Variants in PRDX6 observed in about 807,000 individuals in gnomAD.
The protein encoded by PRDX6 is peroxiredoxin 6, also known as peroxiredoxin-6.
A neutral mutation model predicts 20.0 loss-of-function variants in PRDX6; 13 were observed. The ratio of observed to expected loss-of-function variants is 0.65; its 90% CI spans 0.42 to 1.03. The LOEUF is 1.03. PRDX6 is among the 50% of genes least tolerant of loss of function. The pLI, the probability that PRDX6 is intolerant of heterozygous loss-of-function variation, is 0.00. For synonymous variants in PRDX6, 85 were observed against 100.8 expected (o/e 0.84, Z 0.94); for missense variants, 203 against 276.9 (o/e 0.73, Z 1.89).
At chr1:173,481,598 T>C in intron 2 of PRDX6, 116 bp downstream of exon 2, 1 of 1,134,412 alleles carries the variant, frequency 8.8e-7, no homozygotes, top group Non-Finnish European at 1.3e-6. Flanking sequence ...AGTTCACTAA[T>C]TATTTGAAAA....
chr1:173,486,680 A>C (rs1489387375), intron 4 of PRDX6, among the ~76,000 whole-genome samples: 3 of 152,246 alleles, frequency 2.0e-5, no homozygotes, highest in Non-Finnish European at 4.4e-5. Flanking sequence ...GTTTAAAAAA[A>C]AAAATTTTAT....
Position 173,487,849 on chromosome 1 carries a change from A to C in PRDX6, c.661A>C (p.Thr221Pro), listed in dbSNP as rs1658925745. Reference protein sequence around the residue: ...LPSGKKYLRYTPQP With the variant: ...LPSGKKYLRYPPQP Reference sequence around the variant, plus strand: ...ATCTGGCAAGAAATACCTCCGCTACACACCCCAGCCTTAAGTCTCTTGGAG... The same window carrying C: ...ATCTGGCAAGAAATACCTCCGCTACCCACCCCAGCCTTAAGTCTCTTGGAG... Residue 221 changes from threonine to proline, a missense_variant, in exon 5 of 5, where the codon ACA (threonine) becomes CCA (proline). Coordinates refer to ENST00000340385, the MANE Select transcript of PRDX6 (RefSeq NM_004905.3). 1 of 1,612,718 alleles carries C rather than the reference A, an allele frequency of 6.2e-7. No homozygotes were observed. The highest frequency in any genetic ancestry group is 8.5e-7 in the Non-Finnish European group (1 of 1,180,012).
intron 2 of PRDX6, among the ~76,000 whole-genome samples, chr1:173,482,657 C>T (rs892374783): frequency 2.0e-5 from 3 of 152,146 alleles, no homozygotes; most frequent in Admixed American, 6.5e-5. Context: ...CTATGTCAAA[C>T]GTGCAGTTGA....
At position 173,485,503 on chromosome 1, in the gene PRDX6, G is replaced by A. The variant is rs1019938578; in HGVS notation, c.395G>A (p.Arg132His). 3.1e-6 allele frequency: 5 copies of A among 1,590,280 alleles called. No homozygotes were observed. The South Asian group carries it at 3.4e-5, about 11-fold the overall frequency. The stretch of plus-strand genomic sequence containing the variant: ...GAAAAGGGCATGCCTGTGACAGCTC[G>A]TGTGGTAGGTCATACAAATTCATTT... ...KDEKGMPVTA[R>H]VVFVFGPDKK... The change falls in exon 3 of 5, where the codon CGT (arginine) becomes CAT (histidine). Residue 132 changes from arginine (R) to histidine (H), a missense_variant. Physicochemically the swap from Arg to His is conservative, Grantham distance 29. Coordinates refer to ENST00000340385, the MANE Select transcript of PRDX6 (RefSeq NM_004905.3).
intron 2 of PRDX6, among the ~76,000 whole-genome samples, chr1:173,484,681 G>A (rs1658866234): frequency 6.6e-6 from 1 of 152,106 alleles, no homozygotes; most frequent in African/African-American, 2.4e-5. Context: ...GGGAAGGAGG[G>A]AAGTGTATCA....
intron 1 of PRDX6, among the ~76,000 whole-genome samples, chr1:173,479,322 C>A (rs1012699390): frequency 6.6e-6 from 1 of 152,108 alleles, no homozygotes; most frequent in Non-Finnish European, 1.5e-5. Flanking sequence ...CCTACCTTAC[C>A]GGGAAGAGAA....
At chr1:173,479,308 A>G (rs1658763775) in intron 1 of PRDX6, among the ~76,000 whole-genome samples, 1 of 152,194 alleles carries the variant, frequency 6.6e-6, no homozygotes, top group Non-Finnish European at 1.5e-5. Flanking sequence ...CAGGTATAGT[A>G]TTCCCTACCT....
rs1433627313 is a variant in PRDX6 at position 173,486,393 on chromosome 1, G to C, written c.538G>C (p.Asp180His). ...TAEKRVATPV[D>H]WKDGDSVMVL... The stretch of plus-strand genomic sequence containing the variant: ...AGAAAAAAGGGTTGCCACCCCAGTT[G>C]ATTGGAAGGTAAAGATGTTTTTAAA... The change falls in exon 4 of 5, where the codon GAT (aspartate) becomes CAT (histidine). Residue 180 changes from aspartate to histidine, a missense_variant. By Grantham distance (81) the Asp-to-His change is moderately conservative (BLOSUM62 -1). Coordinates refer to ENST00000340385, the MANE Select transcript of PRDX6 (RefSeq NM_004905.3). 6.2e-7 allele frequency: 1 copy of C among 1,605,642 alleles called. No homozygotes were observed. Among genetic ancestry groups the C allele is most frequent in the Non-Finnish European group, 8.5e-7 (1 of 1,176,576 alleles).
Position 173,488,460 on chromosome 1 carries a change from A to G in PRDX6, c.*597A>G, listed in dbSNP as rs7314. The G allele has an allele frequency of 0.36, 54,996 of 152,144 alleles. 12,458 individuals are homozygous for G. Among genetic ancestry groups the G allele is most frequent in the African/African-American group, 0.63 (26,152 of 41,484 alleles). 9.4% of individuals were successfully genotyped at this position (152,144 alleles called of 1,614,324 possible). On this transcript the variant is annotated 3_prime_UTR_variant, in exon 5 of 5. Transcript: ENST00000340385. ...GGGGGAAAAAAAGCTTTTTAATTCT[A>G]TACCTTCCTAGTAGATAAGTGAAGA...
At chr1:173,487,230 C>T (rs1658916278) in intron 4 of PRDX6, among the ~76,000 whole-genome samples, 1 of 152,142 alleles carries the variant, frequency 6.6e-6, no homozygotes, top group South Asian at 2.1e-4. Flanking sequence ...GAATGCCTGT[C>T]TATGAAGGGA....
At chr1:173,485,561 C>T (rs1658882181) in intron 3 of PRDX6, 54 bp downstream of exon 3, 7 of 1,433,450 alleles carry the variant, frequency 4.9e-6, no homozygotes, top group Non-Finnish European at 5.6e-6. Context: ...GCTGTATGTC[C>T]GTGTAAATGC....
chr1:173,479,941 C>T (rs547484236), intron 1 of PRDX6, among the ~76,000 whole-genome samples: 156 of 152,300 alleles, frequency 1.0e-3, no homozygotes, highest in Non-Finnish European at 1.5e-3. Flanking sequence ...CTCCTTTTAA[C>T]GATAGAGGAG....
intron 2 of PRDX6, chr1:173,481,719 T>A (rs1658804405): frequency 2.2e-6 from 1 of 461,194 alleles, no homozygotes; most frequent in African/African-American, 2.0e-5. Flanking sequence ...CTGTACCTCC[T>A]GAAACTTTTT....
At chr1:173,482,822 C>T (rs1427761905) in intron 2 of PRDX6, among the ~76,000 whole-genome samples, 1 of 152,076 alleles carries the variant, frequency 6.6e-6, no homozygotes, top group East Asian at 1.9e-4. Context: ...TTTTTCATTC[C>T]TTACACTTCT....
chr1:173,485,931 C>T (rs1242722736), intron 3 of PRDX6, among the ~76,000 whole-genome samples: 1 of 152,208 alleles, frequency 6.6e-6, no homozygotes, highest in African/African-American at 2.4e-5. Flanking sequence ...ATTCAAGGAA[C>T]AATATCAACT....
intron 1 of PRDX6, chr1:173,481,078 A>C (rs1658792783): frequency 2.2e-6 from 1 of 453,784 alleles, no homozygotes; most frequent in Non-Finnish European, 3.9e-6. Flanking sequence ...CCTTAACATT[A>C]GTCTTTTTAA....
rs150844128 is a variant in PRDX6 at position 173,487,812 on chromosome 1, C to G, written c.624C>G (p.Thr208=). Residue 208 remains threonine, a synonymous_variant, in exon 5 of 5, where the codon ACC becomes ACG. Transcript: ENST00000340385. ...AKKLFPKGVF[T]KELPSGKKYL... is the part of the protein sequence containing the mutation. Reference sequence around the variant, plus strand: ...AACTTTTCCCGAAAGGAGTCTTCACCAAAGAGCTCCCATCTGGCAAGAAAT... The same window carrying G: ...AACTTTTCCCGAAAGGAGTCTTCACGAAAGAGCTCCCATCTGGCAAGAAAT... The G allele has an allele frequency of 2.5e-6, 4 of 1,613,892 alleles. No individual in the cohort carries two copies. In the South Asian group the frequency reaches 4.4e-5, roughly 18 times the overall value.
intron 1 of PRDX6, 95 bp downstream of exon 1, chr1:173,477,587 T>C (rs1327797729): frequency 1.9e-6 from 2 of 1,078,952 alleles, no homozygotes; most frequent in African/African-American, 1.6e-5. Flanking sequence ...TCCCGGCCGC[T>C]CAGCCCCCTG....
chr1:173,477,633 C>G (rs1658721406), intron 1 of PRDX6, 141 bp downstream of exon 1: 2 of 694,576 alleles, frequency 2.9e-6, no homozygotes, highest in Non-Finnish European at 4.7e-6. Context: ...GGTTCCGGCG[C>G]GCGCCAGGCC....
Sources: gnomAD v4.1 joint callset for allele counts (sites outside exome capture counted in the v4.1 genomes callset) on GRCh38, gnomAD v4.1.1 for gene constraint, MANE v1.5 for transcripts, NCBI Gene and HGNC (gene_info 2026-07-23, HGNC 2026-07-21) for gene names.